PCDHGA1: variants seen among roughly 807,000 people sequenced by gnomAD.
PCDHGA1 encodes the protein protocadherin gamma-A1.
A neutral mutation model predicts 58.0 loss-of-function variants in PCDHGA1; 32 were observed. The ratio of observed to expected loss-of-function variants is 0.55; its 90% CI spans 0.42 to 0.74. PCDHGA1 has a LOEUF of 0.74. PCDHGA1 is among the 30% of genes least tolerant of loss of function. The probability of loss-of-function intolerance (pLI) is 0.00; values close to 1 mark genes in which losing one functional copy is unlikely to be tolerated. For synonymous variants in PCDHGA1, 498 were observed against 501.1 expected (o/e 0.99, Z 0.08); for missense variants, 1,205 against 1,182.3 (o/e 1.02, Z -0.28).
intron 1 of PCDHGA1, chr5:141,419,328 C>T (rs2096360351): frequency 6.2e-7 from 1 of 1,613,954 alleles, no homozygotes. Context: ...GTCTCCTACT[C>T]TCTCATTGCC....
intron 1 of PCDHGA1, chr5:141,407,948 G>T (rs978962452): frequency 7.0e-6 from 4 of 572,054 alleles, no homozygotes; most frequent in Non-Finnish European, 1.1e-5. Flanking sequence ...GCCGCTGTCG[G>T]CCAGTGCAGA....
chr5:141,427,829 G>C, intron 1 of PCDHGA1: 1 of 1,538,520 alleles, frequency 6.5e-7, no homozygotes. Flanking sequence ...TGGTCGCGCA[G>C]CGTGCCTTCG....
intron 1 of PCDHGA1, among the ~76,000 whole-genome samples, chr5:141,482,410 T>G (rs1054330181): frequency 2.3e-4 from 35 of 151,890 alleles, no homozygotes; most frequent in Non-Finnish European, 1.0e-4. Flanking sequence ...AATAACTATT[T>G]GTTGAACTAA....
chr5:141,374,528 T>A (rs759567011), intron 1 of PCDHGA1: 1 of 1,613,048 alleles, frequency 6.2e-7, no homozygotes. Flanking sequence ...CGCAGCTCCA[T>A]CCTCTCGTTT....
intron 1 of PCDHGA1, chr5:141,339,564 G>C (rs1167979752): frequency 1.2e-6 from 2 of 1,614,172 alleles, no homozygotes; most frequent in Admixed American, 1.7e-5. Context: ...GTGCTGGAGC[G>C]CTCTCTGGAC....
At chr5:141,474,156 A>T (rs1387216017) in intron 1 of PCDHGA1, among the ~76,000 whole-genome samples, 1 of 152,244 alleles carries the variant, frequency 6.6e-6, no homozygotes, top group Non-Finnish European at 1.5e-5. Context: ...CAAGAAAATG[A>T]CAGGCCTTAT....
At position 141,438,591 on chromosome 5, in the gene PCDHGA1, CATATATATATATAT is replaced by C. The variant is rs946798767; in HGVS notation, c.2422-56184_2422-56171del. Among the ~76,000 whole-genome samples the C allele has an allele frequency of 7.9e-5, 6 of 75,562 alleles. No individual in the cohort carries two copies. The East Asian group carries it at 1.7e-3, about 22-fold the overall frequency. 49.6% of individuals were successfully genotyped at this position (75,562 alleles called of 152,430 possible). On this transcript the variant is annotated intron_variant, in intron 1 of 3. Transcript: ENST00000517417. ...TCTGATATACATACATACATACATA[CATATATATATATAT>C]ATATATATATATATATATATATATA...
Position 141,490,282 on chromosome 5 carries a change from C to T in PCDHGA1, c.2422-4525C>T, listed in dbSNP as rs763429413. 1.2e-6 allele frequency: 2 copies of T among 1,614,194 alleles called. No individual in the cohort carries two copies. The highest frequency in any genetic ancestry group is 1.7e-6 in the Non-Finnish European group (2 of 1,180,036). ...TGTGGGGGATGTCAATGACAATGCC[C>T]CAGAGGTGCTATTGGCCTCTTTGGC... On this transcript the variant is annotated intron_variant, in intron 1 of 3. Transcript: ENST00000517417. This position sits in a 1 kb window ranked among gnomAD's most constrained non-coding sequence, Gnocchi z 5.4.
chr5:141,355,747 C>A, intron 1 of PCDHGA1: 4 of 1,613,988 alleles, frequency 2.5e-6, no homozygotes, highest in Non-Finnish European at 3.4e-6. Context: ...CCTGGACGTG[C>A]AAAGTGGGGC....
chr5:141,364,612 G>C (rs1260914671), intron 1 of PCDHGA1: 7 of 1,614,178 alleles, frequency 4.3e-6, no homozygotes, highest in Non-Finnish European at 5.9e-6. Context: ...ACCGGGAGGA[G>C]CTCTGCGCTC....
intron 1 of PCDHGA1, chr5:141,396,034 A>G (rs968115375): frequency 1.3e-5 from 2 of 152,256 alleles, no homozygotes; most frequent in African/African-American, 2.4e-5. Context: ...ATGTAAGAAC[A>G]TATTTCAATA....
intron 1 of PCDHGA1, chr5:141,372,071 A>G: frequency 6.2e-7 from 1 of 1,613,608 alleles, no homozygotes; most frequent in Non-Finnish European, 8.5e-7. Flanking sequence ...ACGACAATGC[A>G]CCGCTGGTGC....
intron 1 of PCDHGA1, chr5:141,403,617 G>A (rs369607013): frequency 1.8e-4 from 288 of 1,613,738 alleles, no homozygotes; most frequent in East Asian, 1.0e-3. Context: ...GAGCCGCGTC[G>A]CTCCAGCACA....
intron 1 of PCDHGA1, among the ~76,000 whole-genome samples, chr5:141,449,391 G>A (rs1020753910): frequency 1.3e-5 from 2 of 151,876 alleles, no homozygotes; most frequent in Non-Finnish European, 2.9e-5. Context: ...TGGATTACTT[G>A]AGGCCAGGAG....
At chr5:141,357,458 A>G (rs372570425) in intron 1 of PCDHGA1, 26 of 1,614,062 alleles carry the variant, frequency 1.6e-5, no homozygotes, top group African/African-American at 6.7e-5. Flanking sequence ...CTGCAGACCT[A>G]TTCCCACGAG....
rs368850413 is a variant in PCDHGA1, at chr5:141,400,711, C to T, written c.2421+67606C>T. 8.7e-6 allele frequency: 6 copies of T among 691,160 alleles called. No individual in the cohort carries two copies. The African/African-American group carries it at 9.0e-5, about 10-fold the overall frequency. The allele number at this position is 691,160 out of a possible 1,614,324, so 42.8% of individuals were successfully genotyped here. On this transcript the variant is annotated intron_variant, in intron 1 of 3. Coordinates refer to ENST00000517417, the MANE Select transcript of PCDHGA1 (RefSeq NM_018912.3). Reference sequence around the variant, plus strand: ...TTTTATGTCGCATAAAAGAAGTAGCCTTATAGATTTACAAAGTAGTGAGAG... The same window carrying T: ...TTTTATGTCGCATAAAAGAAGTAGCTTTATAGATTTACAAAGTAGTGAGAG...
intron 1 of PCDHGA1, chr5:141,356,414 T>C: frequency 6.2e-7 from 1 of 1,602,126 alleles, no homozygotes; most frequent in Non-Finnish European, 8.5e-7. Context: ...TATCGGTTGT[T>C]GACACACAGA....
intron 1 of PCDHGA1, chr5:141,339,985 G>T (rs201049645): frequency 1.2e-4 from 188 of 1,614,026 alleles, no homozygotes; most frequent in Non-Finnish European, 1.3e-4. Context: ...TCACGGTTCT[G>T]GATGTGAATG....
At position 141,431,416 on chromosome 5, in the gene PCDHGA1, C is replaced by T. The variant is rs778722151; in HGVS notation, c.2422-63391C>T. Reference sequence around the variant, plus strand: ...TCCTTACGGCCTCCGACGGGGGCGACCCGGTGCGCACAGGCACCGCGCGCA... The same window carrying T: ...TCCTTACGGCCTCCGACGGGGGCGATCCGGTGCGCACAGGCACCGCGCGCA... On this transcript the variant is annotated intron_variant, in intron 1 of 3. Transcript: ENST00000517417. This position sits in a 1 kb window ranked among gnomAD's most constrained non-coding sequence, Gnocchi z 4.8. 2.5e-6 allele frequency: 4 copies of T among 1,613,714 alleles called. No homozygotes were observed. Among genetic ancestry groups the T allele is most frequent in the Admixed American group, 1.7e-5 (1 of 60,028 alleles).
Sources: gnomAD v4.1 joint callset for allele counts (sites outside exome capture counted in the v4.1 genomes callset) on GRCh38, gnomAD v4.1.1 for gene constraint, Gnocchi (gnomAD v3.1) non-coding constraint, MANE v1.5 for transcripts, NCBI Gene and HGNC (gene_info 2026-07-23, HGNC 2026-07-21) for gene names.